WWP2: variants seen among roughly 807,000 people sequenced by gnomAD.
WWP2 encodes the protein WW domain containing E3 ubiquitin protein ligase 2.
Under a neutral mutation model 121.0 loss-of-function variants are expected in WWP2, and 57 were observed. The observed-to-expected ratio is 0.47, with a 90% CI of 0.38 to 0.59. WWP2 has a LOEUF of 0.59. WWP2 is among the 20% of genes least tolerant of loss of function. The probability of loss-of-function intolerance (pLI) is 0.00; values close to 1 mark genes in which losing one functional copy is unlikely to be tolerated. For missense variants in WWP2, 962 were observed against 1,158.9 expected (o/e 0.83, Z 2.47); for synonymous variants, 449 against 441.3 (o/e 1.02, Z -0.22).
chr16:69,902,174 GA>G (rs772668081), intron 8 of WWP2, among the ~76,000 whole-genome samples: 48 of 152,280 alleles, frequency 3.2e-4, no homozygotes, highest in Non-Finnish European at 6.5e-4. Context: ...CCTTTGACAA[GA>G]AAACATGGTT....
chr16:69,931,272 GT>G (rs569287412), intron 14 of WWP2, 45 bp downstream of exon 14: 8 of 1,608,774 alleles, frequency 5.0e-6, no homozygotes, highest in South Asian at 1.1e-5. Context: ...GGGTTATTGA[GT>G]TATTTCAGTG....
chr16:69,933,241 C>A (rs948921278), intron 16 of WWP2: 21 of 427,590 alleles, frequency 4.9e-5, no homozygotes, highest in Non-Finnish European at 8.8e-5. Context: ...TGGGGACTGG[C>A]CCCCTTGGGA....
At chr16:69,841,959 A>C in intron 5 of WWP2, 65 bp from the exon 6 acceptor site, 1 of 1,518,150 alleles carries the variant, frequency 6.6e-7, no homozygotes, top group South Asian at 1.2e-5. Flanking sequence ...CCTGGCCGTC[A>C]AATCTCAAAC....
At chr16:69,780,298 G>T (rs2055637121) in intron 1 of WWP2, among the ~76,000 whole-genome samples, 1 of 149,076 alleles carries the variant, frequency 6.7e-6, no homozygotes, top group Non-Finnish European at 1.5e-5. Context: ...TTTGGGATTT[G>T]TACATGTGGA....
chr16:69,792,884 T>C (rs1255185733), intron 2 of WWP2, among the ~76,000 whole-genome samples: 1 of 151,904 alleles, frequency 6.6e-6, no homozygotes, highest in Non-Finnish European at 1.5e-5. Flanking sequence ...AGATTTGGGG[T>C]CTTGCTGTGG....
At chr16:69,847,944 G>T (rs1164888640) in intron 6 of WWP2, among the ~76,000 whole-genome samples, 1 of 152,166 alleles carries the variant, frequency 6.6e-6, no homozygotes, top group Non-Finnish European at 1.5e-5. Flanking sequence ...CCACAGGACT[G>T]TCTGTGAGTG....
intron 7 of WWP2, among the ~76,000 whole-genome samples, chr16:69,873,039 G>T (rs1363256664): frequency 6.6e-6 from 1 of 152,222 alleles, no homozygotes; most frequent in African/African-American, 2.4e-5. Flanking sequence ...TCGCTTGGAT[G>T]AATTGTAGGT....
At chr16:69,910,275 C>A in intron 9 of WWP2, 1 of 693,648 alleles carries the variant, frequency 1.4e-6, no homozygotes, top group Non-Finnish European at 1.8e-6. Context: ...TTTATATTAT[C>A]AAATACCCAG....
chr16:69,829,073 A>G (rs1029431411), intron 4 of WWP2, among the ~76,000 whole-genome samples: 3 of 152,186 alleles, frequency 2.0e-5, no homozygotes, highest in African/African-American at 7.2e-5. Flanking sequence ...AGTGCTTTAG[A>G]ATCCCAGGAG....
intron 10 of WWP2, among the ~76,000 whole-genome samples, chr16:69,919,369 G>A (rs2058524639): frequency 6.6e-6 from 1 of 152,082 alleles, no homozygotes; most frequent in Admixed American, 6.6e-5. Flanking sequence ...GTTTCACCAT[G>A]TTAGTCAGGC....
intron 8 of WWP2, among the ~76,000 whole-genome samples, chr16:69,898,092 A>G (rs2058138121): frequency 6.7e-6 from 1 of 148,606 alleles, no homozygotes; most frequent in Non-Finnish European, 1.5e-5. Context: ...CAGTGGCACA[A>G]TCTCGGCTCA....
chr16:69,913,002 T>A (rs1224148132), intron 9 of WWP2, among the ~76,000 whole-genome samples: 7 of 2,360 alleles, frequency 3.0e-3, no homozygotes, highest in Non-Finnish European at 4.1e-3. Context: ...ATATTTTTTT[T>A]TTTTTTTTTT....
At chr16:69,900,503 C>T (rs2058186134) in intron 8 of WWP2, among the ~76,000 whole-genome samples, 1 of 151,442 alleles carries the variant, frequency 6.6e-6, no homozygotes, top group Admixed American at 6.6e-5. Flanking sequence ...TTTATAGATG[C>T]ATATATTTTA....
chr16:69,909,318 G>A (rs1283059126), intron 9 of WWP2: 1 of 987,866 alleles, frequency 1.0e-6, no homozygotes, highest in Non-Finnish European at 1.2e-6. Context: ...GCTTTCAAAA[G>A]GGGATGTATT....
rs2058393196 is a variant in WWP2, at chr16:69,912,375, AC to A, written c.1004+3526del. 4.5e-4 allele frequency among the ~76,000 whole-genome samples: 11 copies of A among 24,662 alleles called. No individual in the cohort carries two copies. The South Asian group carries it at 0.013, about 29-fold the overall frequency. 16.2% of individuals were successfully genotyped at this position (24,662 alleles called of 152,430 possible). ...TTTGTGCAGGGAGTTAGATTCACAC[AC>A]ACACACACACACACACACACACACA... On this transcript the variant is annotated intron_variant, in intron 9 of 23. Coordinates refer to ENST00000359154, the MANE Select transcript of WWP2 (RefSeq NM_001270454.2).
At position 69,931,377 on chromosome 16, in the gene WWP2, C is replaced by T. The variant is rs78727023; in HGVS notation, c.1522-132C>T. The stretch of plus-strand genomic sequence containing the variant: ...CCCGGAGCTGGCTGTCTCTAGGAAG[C>T]TAGTTTTCATTCCTAGGGCACATGC... On this transcript the variant is annotated intron_variant, in intron 14 of 23. Transcript: ENST00000359154. 107,430 of 1,455,746 alleles carry T rather than the reference C, an allele frequency of 0.074. 6,515 individuals are homozygous for T. Among genetic ancestry groups the T allele is most frequent in the East Asian group, 0.29 (12,376 of 43,164 alleles). 90.2% of individuals were successfully genotyped at this position (1,455,746 alleles called of 1,614,324 possible).
intron 8 of WWP2, among the ~76,000 whole-genome samples, chr16:69,908,181 G>C (rs2151960689): frequency 6.6e-6 from 1 of 152,260 alleles, no homozygotes; most frequent in African/African-American, 2.4e-5. Flanking sequence ...GGAGGTGGAG[G>C]CTGCAGTGAG....
rs538137692 is a variant in WWP2 at position 69,894,694 on chromosome 16, G to A, written c.914+6445G>A. Among the ~76,000 whole-genome samples, 9 of 152,334 alleles carry A rather than the reference G, an allele frequency of 5.9e-5. No homozygotes were observed. In the East Asian group the frequency reaches 1.7e-3, roughly 29 times the overall value. ...TCAGGCCGTGGGCAATGGGAAGCGA[G>A]GCTGCTTTGGTCTGCAGGCCCTGTA... On this transcript the variant is annotated intron_variant, in intron 8 of 23. Transcript: ENST00000359154.
rs57953452 is a variant in WWP2, at chr16:69,876,354, GTT to G, written c.703+4436_703+4437del. Among the ~76,000 whole-genome samples the G allele has an allele frequency of 3.3e-3, 448 of 134,760 alleles. 2 individuals carry two copies. Among genetic ancestry groups the G allele is most frequent in the African/African-American group, 0.012 (421 of 36,434 alleles). The allele number at this position is 134,760 out of a possible 152,430, so 88.4% of individuals were successfully genotyped here. On this transcript the variant is annotated intron_variant, in intron 7 of 23. Transcript: ENST00000359154. ...GTTTTTTTGGGGCATGTTTTTTGGG[GTT>G]TTTTTTTTTTTTCGTTTTTTGTTTT... is the stretch of plus-strand genomic sequence containing the variant.
Sources: allele counts gnomAD v4.1 joint callset (sites outside exome capture counted in the v4.1 genomes callset), GRCh38; gene constraint gnomAD v4.1.1; transcripts MANE v1.5; gene names NCBI Gene and HGNC (gene_info 2026-07-23, HGNC 2026-07-21).